The following FSCN2 variants were observed in gnomAD, a reference collection of about 807,000 sequenced individuals.
FSCN2 encodes the protein fascin-2.
In FSCN2, 46 loss-of-function variants were observed where a neutral mutation model predicts 37.8. The observed-to-expected ratio is 1.22, with a 90% CI of 0.96 to 1.56. The LOEUF is 1.56. Among genes scored for constraint, FSCN2 ranks in the 40% most tolerant of loss-of-function variants. The probability of loss-of-function intolerance (pLI) is 0.00; values close to 1 mark genes in which losing one functional copy is unlikely to be tolerated. For missense variants in FSCN2, 844 were observed against 730.4 expected, an observed-to-expected ratio of 1.16 and a Z score of -1.79; for synonymous variants, 351 against 309.4, an observed-to-expected ratio of 1.13 and a Z score of -1.41.
intron 1 of FSCN2, among the ~76,000 whole-genome samples, chr17:81,531,929 AGTGATGATAATG>A (rs1407458648): frequency 6.5e-5 from 3 of 46,010 alleles, no homozygotes; most frequent in African/African-American, 1.7e-4. Flanking sequence ...TGATGGTGAT[AGTGATGATAATG>A]GTGATGATGA....
intron 3 of FSCN2, 92 bp from the exon 4 acceptor site, chr17:81,536,530 C>A (rs902555073): frequency 3.2e-6 from 5 of 1,564,488 alleles, no homozygotes; most frequent in Non-Finnish European, 4.3e-6. Context: ...GTCCCTAAGT[C>A]CAGGTGTGGC....
rs1403849241 is a variant in FSCN2, at chr17:81,536,540, C to T, written c.1106-82C>T. ...CCTGGGTCCCTAAGTCCAGGTGTGG[C>T]GTTTCCCAGGGCCCCCACCCCGCCC... On this transcript the variant is annotated intron_variant, in intron 3 of 4. Coordinates refer to ENST00000417245, the MANE Select transcript of FSCN2 (RefSeq NM_012418.4). The T allele has an allele frequency of 8.3e-6, 13 of 1,572,806 alleles. No individual in the cohort carries two copies. The highest frequency in any genetic ancestry group is 4.6e-5 in the East Asian group (2 of 43,376).
the FSCN2 span, among the ~76,000 whole-genome samples, chr17:81,519,593 A>G: frequency 6.6e-6 from 1 of 152,160 alleles, no homozygotes; most frequent in Non-Finnish European, 1.5e-5. Context: ...CAGGAGCGCC[A>G]GGAGGGACCC....
intron 2 of FSCN2, among the ~76,000 whole-genome samples, chr17:81,535,620 C>T (rs1418624525): frequency 1.4e-5 from 2 of 141,030 alleles, no homozygotes; most frequent in Non-Finnish European, 3.1e-5. Flanking sequence ...CATCACCATC[C>T]CCATCTCCAC....
intron 1 of FSCN2, among the ~76,000 whole-genome samples, chr17:81,532,114 C>CGATGATGGT (rs2032673597): frequency 1.7e-4 from 2 of 11,918 alleles, no homozygotes; most frequent in Admixed American, 7.4e-4. Flanking sequence ...ATAGTGATGG[C>CGATGATGGT]GATGATGGTG....
chr17:81,521,502 G>T, the FSCN2 span, among the ~76,000 whole-genome samples: 2 of 151,926 alleles, frequency 1.3e-5, no homozygotes, highest in African/African-American at 2.4e-5. Flanking sequence ...TCCCCCAGCA[G>T]CCAGGACTAC....
chr17:81,516,272 T>C, the FSCN2 span, among the ~76,000 whole-genome samples: 1 of 152,276 alleles, frequency 6.6e-6, no homozygotes, highest in Non-Finnish European at 1.5e-5. Flanking sequence ...ATCTCTCAGT[T>C]ATGGCAGTTG....
At chr17:81,532,628 GA>G (rs2032731587) in intron 1 of FSCN2, among the ~76,000 whole-genome samples, 1 of 148,174 alleles carries the variant, frequency 6.7e-6, no homozygotes, top group African/African-American at 2.6e-5. Flanking sequence ...TAATGGTGAT[GA>G]TGGTGATGGT....
In FSCN2 at chr17:81,531,699, GTGA is replaced by G. The variant is rs1247219773; in HGVS notation, c.826+2350_826+2352del. ...GATGATGATGGTGATGATGGTGATG[GTGA>G]TGATGATAGTGATGGTGGTGATGGT... is the stretch of plus-strand genomic sequence containing the variant. On this transcript the variant is annotated intron_variant, in intron 1 of 4. Coordinates refer to ENST00000417245, the MANE Select transcript of FSCN2 (RefSeq NM_012418.4). Among the ~76,000 whole-genome samples, 273 of 90,868 alleles carry G rather than the reference GTGA, an allele frequency of 3.0e-3. 4 individuals carry two copies. The highest frequency in any genetic ancestry group is 0.015 in the African/African-American group (244 of 16,490). 59.6% of individuals were successfully genotyped at this position (90,868 alleles called of 152,430 possible). A position where few individuals can be genotyped will look rare whatever the true frequency, so the allele number is the denominator to read the frequency against.
At chr17:81,526,809 C>T (rs1188587957), upstream of FSCN2, among the ~76,000 whole-genome samples, 12 of 152,220 alleles carry the variant, frequency 7.9e-5, no homozygotes, top group Admixed American at 6.5e-5. Context: ...CCCCAGACTG[C>T]GTCTCCCCAG....
rs771195602 is a variant in FSCN2, at chr17:81,536,773, C to T, written c.1257C>T (p.Gly419=). The change falls in exon 4 of 5, where the codon GGC becomes GGT. Residue 419 remains glycine (G), a synonymous_variant. Transcript: ENST00000417245. ...YDVFHLSFSD[G]AYRIRGRDGG... is the part of the protein sequence containing the mutation. ...TCTTCCACCTGAGCTTCAGCGACGG[C>T]GCCTACCGGATCCGAGGTGCGTGGC... The T allele has an allele frequency of 2.5e-6, 4 of 1,602,618 alleles. No homozygotes were observed. In the South Asian group the frequency reaches 4.4e-5, roughly 18 times the overall value.
the FSCN2 span, among the ~76,000 whole-genome samples, chr17:81,523,052 C>T: frequency 2.6e-5 from 4 of 152,208 alleles, no homozygotes; most frequent in Non-Finnish European, 4.4e-5. Context: ...GAGCCCTCTT[C>T]CTCCCCTCCC....
upstream of FSCN2, among the ~76,000 whole-genome samples, chr17:81,526,595 G>T (rs2032359027): frequency 6.6e-6 from 1 of 152,232 alleles, no homozygotes; most frequent in African/African-American, 2.4e-5. Flanking sequence ...CTGGACTCCA[G>T]TTTGGGTGAG....
chr17:81,532,872 G>A (rs370069440), intron 1 of FSCN2, among the ~76,000 whole-genome samples: 1 of 152,210 alleles, frequency 6.6e-6, no homozygotes, highest in South Asian at 2.1e-4. Context: ...TCATCCCTTT[G>A]AGGGGAGAAT....
intron 1 of FSCN2, among the ~76,000 whole-genome samples, chr17:81,531,865 CGAT>C (rs528552277): frequency 3.7e-3 from 77 of 20,542 alleles, no homozygotes; most frequent in Non-Finnish European, 5.7e-3. Context: ...GTGGTGATGG[CGAT>C]GATGGTGATG....
At chr17:81,519,600 A>G in the FSCN2 span, among the ~76,000 whole-genome samples, 5 of 151,714 alleles carry the variant, frequency 3.3e-5, no homozygotes, top group Non-Finnish European at 7.4e-5. Flanking sequence ...GCCAGGAGGG[A>G]CCCCCGCTCC....
chr17:81,517,370 G>A, the FSCN2 span, among the ~76,000 whole-genome samples: 1 of 152,176 alleles, frequency 6.6e-6, no homozygotes, highest in Non-Finnish European at 1.5e-5. Context: ...AAGAGGAGAG[G>A]GCTCTGCGAT....
intron 1 of FSCN2, among the ~76,000 whole-genome samples, chr17:81,531,831 GTGGTGATGGTGGTGA>G (rs1465920663): frequency 0.018 from 1,770 of 100,302 alleles, 98 homozygotes; most frequent in African/African-American, 0.082. Flanking sequence ...GATGGTGGTG[GTGGTGATGGTGGTGA>G]TGGTGATGGT....
At chr17:81,518,663 G>T in the FSCN2 span, among the ~76,000 whole-genome samples, 1 of 152,206 alleles carries the variant, frequency 6.6e-6, no homozygotes, top group Non-Finnish European at 1.5e-5. Flanking sequence ...CCGGGGAGCA[G>T]ATGTCTTGTC....
Sources: gnomAD v4.1 joint callset for allele counts (sites outside exome capture counted in the v4.1 genomes callset) on GRCh38, gnomAD v4.1.1 for gene constraint, MANE v1.5 for transcripts, NCBI Gene and HGNC (gene_info 2026-07-23, HGNC 2026-07-21) for gene names.